PPP1R14C: variants seen among roughly 807,000 people sequenced by gnomAD.
The protein encoded by PPP1R14C is protein phosphatase 1 regulatory inhibitor subunit 14C.
In PPP1R14C, 16 loss-of-function variants were observed where a neutral mutation model predicts 20.4. The ratio of observed to expected loss-of-function variants is 0.78; its 90% confidence interval spans 0.53 to 1.19. PPP1R14C has a LOEUF of 1.19. Among genes scored for constraint, PPP1R14C ranks in the 50% most tolerant of loss-of-function variants. The pLI is 0.00. For missense variants in PPP1R14C, 211 were observed against 220.1 expected (o/e 0.96, Z 0.26); for synonymous variants, 91 against 91.0 (o/e 1.00, Z 0.00).
At position 150,201,772 on chromosome 6, in the gene PPP1R14C, T is replaced by C. The variant is rs1777880293; in HGVS notation, c.307-12972T>C. ...AGCTTATGCAAAAGATGATTTAGCT[T>C]TCACTAGGGGGGCAGTGGAGGTGGT... On this transcript the variant is annotated intron_variant, in intron 1 of 3. Transcript: ENST00000361131. The surrounding 1 kb of genome is among the most constrained non-coding windows in gnomAD (Gnocchi z 4.2). 6.6e-6 allele frequency among the ~76,000 whole-genome samples: 1 copy of C among 152,098 alleles called. No individual in the cohort carries two copies. The highest frequency in any genetic ancestry group is 1.5e-5 in the Non-Finnish European group (1 of 68,028).
intron 1 of PPP1R14C, among the ~76,000 whole-genome samples, chr6:150,206,646 C>T (rs1435089337): frequency 6.6e-6 from 1 of 152,162 alleles, no homozygotes; most frequent in Non-Finnish European, 1.5e-5. Context: ...AGGATGGTCC[C>T]TGCCGGGAGC....
chr6:150,150,518 C>T (rs1777233154), intron 1 of PPP1R14C, among the ~76,000 whole-genome samples: 2 of 152,152 alleles, frequency 1.3e-5, no homozygotes, highest in South Asian at 2.1e-4. Context: ...CCCTGGTCTC[C>T]CTCGCCTAGC....
chr6:150,195,374 G>A, intron 1 of PPP1R14C: 1 of 168,904 alleles, frequency 5.9e-6, no homozygotes, highest in Non-Finnish European at 1.2e-5. Context: ...TTTTGAGATA[G>A]AGTGTCGCTA....
rs1344576209 is a variant in PPP1R14C at position 150,250,143 on chromosome 6, C to T, written c.*1323C>T. On this transcript the variant is annotated 3_prime_UTR_variant, in exon 4 of 4. Coordinates refer to ENST00000361131, the MANE Select transcript of PPP1R14C (RefSeq NM_030949.3). ...GGCCCCCGCTGACTCCCACAGAAAC[C>T]CACCTACCATAAGATGTCTTCAGGT... 1 of 152,576 alleles carries T rather than the reference C, an allele frequency of 6.6e-6. No individual in the cohort carries two copies. The highest frequency in any genetic ancestry group is 1.5e-5 in the Non-Finnish European group (1 of 68,044). 9.5% of individuals were successfully genotyped at this position (152,576 alleles called of 1,614,324 possible). A position where few individuals can be genotyped will look rare whatever the true frequency, so the allele number is the denominator to read the frequency against.
At chr6:150,197,566 G>A (rs1034542935) in intron 1 of PPP1R14C, among the ~76,000 whole-genome samples, 16 of 152,264 alleles carry the variant, frequency 1.1e-4, no homozygotes, top group African/African-American at 3.1e-4. Flanking sequence ...CCAGGCTGCC[G>A]TGGGAAGGCT....
At chr6:150,165,276 G>T (rs1777411044) in intron 1 of PPP1R14C, among the ~76,000 whole-genome samples, 1 of 152,236 alleles carries the variant, frequency 6.6e-6, no homozygotes, top group South Asian at 2.1e-4. Context: ...ATATCAGCTG[G>T]TTGGTGGACA....
At chr6:150,214,677 A>G in intron 1 of PPP1R14C, 67 bp from the exon 2 acceptor site, 2 of 1,155,028 alleles carry the variant, frequency 1.7e-6, no homozygotes, top group Non-Finnish European at 2.6e-6. Context: ...AACTTAACCT[A>G]ACTGGTGGGG....
intron 3 of PPP1R14C, among the ~76,000 whole-genome samples, chr6:150,235,931 A>G (rs1161168521): frequency 6.6e-6 from 1 of 152,122 alleles, no homozygotes; most frequent in African/African-American, 2.4e-5. Flanking sequence ...ATACTGGAAA[A>G]TGAAAGGATT....
intron 3 of PPP1R14C, among the ~76,000 whole-genome samples, chr6:150,238,627 T>C (rs1161618655): frequency 1.3e-5 from 2 of 152,270 alleles, no homozygotes; most frequent in African/African-American, 4.8e-5. Flanking sequence ...GCAGGGCCTG[T>C]GTTTCTGTGT....
intron 1 of PPP1R14C, among the ~76,000 whole-genome samples, chr6:150,190,803 C>T (rs895447567): frequency 6.6e-6 from 1 of 152,200 alleles, no homozygotes; most frequent in South Asian, 2.1e-4. Flanking sequence ...CTGTCCTTCT[C>T]TACCTTGGTC....
intron 3 of PPP1R14C, among the ~76,000 whole-genome samples, chr6:150,234,737 T>A (rs1778336254): frequency 1.3e-5 from 2 of 150,996 alleles, no homozygotes; most frequent in Non-Finnish European, 2.9e-5. Context: ...TAGTCCCAGC[T>A]ACTCAGGAGG....
In PPP1R14C at chr6:150,199,952, C is replaced by T. The variant is rs534188507; in HGVS notation, c.307-14792C>T. Among the ~76,000 whole-genome samples the T allele has an allele frequency of 4.5e-4, 68 of 152,092 alleles. 3 individuals carry two copies. In the South Asian group the frequency reaches 4.8e-3, roughly 11 times the overall value. On this transcript the variant is annotated intron_variant, in intron 1 of 3. Transcript: ENST00000361131. ...CAGTGCAGATGGACTAAGTCAGATA[C>T]GCTCTGGAAATGGATTTTCCAAGTG... is the stretch of plus-strand genomic sequence containing the variant.
intron 3 of PPP1R14C, among the ~76,000 whole-genome samples, chr6:150,241,212 A>T (rs1448213954): frequency 6.6e-6 from 1 of 152,016 alleles, no homozygotes; most frequent in Admixed American, 6.6e-5. Context: ...TCCCTGAAGA[A>T]CTGTGGGGTT....
Position 150,222,762 on chromosome 6 carries a change from T to C in PPP1R14C, c.423+5906T>C, listed in dbSNP as rs577545424. 5.5e-5 allele frequency among the ~76,000 whole-genome samples: 7 copies of C among 126,184 alleles called. No individual in the cohort carries two copies. The East Asian group carries it at 1.4e-3, about 25-fold the overall frequency. 82.8% of individuals were successfully genotyped at this position (126,184 alleles called of 152,430 possible). A position where few individuals can be genotyped will look rare whatever the true frequency, so the allele number is the denominator to read the frequency against. ...ATGAACATTTGAAGCCTTTTCAAAC[T>C]GGCTTTTTTTTTTTTTTTTTTTTTT... On this transcript the variant is annotated intron_variant, in intron 3 of 3. Transcript: ENST00000361131.
chr6:150,166,271 G>A lies in PPP1R14C; in HGVS notation c.306+22773G>A, dbSNP rs188089199. ...AATTTTTTGTATTTTTAGTAGAGAT[G>A]GGGTTTCACCATGTTAGCCAGGATG... is the stretch of plus-strand genomic sequence containing the variant. On this transcript the variant is annotated intron_variant, in intron 1 of 3. Coordinates refer to ENST00000361131, the MANE Select transcript of PPP1R14C (RefSeq NM_030949.3). Among the ~76,000 whole-genome samples the A allele has an allele frequency of 6.8e-3, 1,035 of 152,092 alleles. 4 individuals are homozygous for A. Among genetic ancestry groups the A allele is most frequent in the Non-Finnish European group, 8.9e-3 (607 of 67,986 alleles).
At chr6:150,173,684 C>T (rs958233552) in intron 1 of PPP1R14C, among the ~76,000 whole-genome samples, 23 of 152,104 alleles carry the variant, frequency 1.5e-4, no homozygotes, top group African/African-American at 4.8e-4. Context: ...GTTTTCCTAA[C>T]GTGCTTTATC....
chr6:150,191,390 A>G (rs1447760834), intron 1 of PPP1R14C, among the ~76,000 whole-genome samples: 1 of 152,216 alleles, frequency 6.6e-6, no homozygotes, highest in Non-Finnish European at 1.5e-5. Flanking sequence ...CATATAGCAG[A>G]CATTCAATAA....
chr6:150,172,759 G>A (rs894001116), intron 1 of PPP1R14C, among the ~76,000 whole-genome samples: 6 of 152,064 alleles, frequency 3.9e-5, no homozygotes, highest in Non-Finnish European at 2.9e-5. Context: ...CTGATGTGGG[G>A]AGACCGACTG....
At position 150,202,209 on chromosome 6, in the gene PPP1R14C, C is replaced by T. The variant is rs1017180791; in HGVS notation, c.307-12535C>T. 5.3e-5 allele frequency among the ~76,000 whole-genome samples: 8 copies of T among 152,134 alleles called. No individual in the cohort carries two copies. In the East Asian group the frequency reaches 1.4e-3, roughly 26 times the overall value. ...AGTTTCTCATCCTCATGCAGAACAT[C>T]CCTGGTGGGTGCCCACCCCACAACA... On this transcript the variant is annotated intron_variant, in intron 1 of 3. Transcript: ENST00000361131.
Sources: allele counts gnomAD v4.1 joint callset (sites outside exome capture counted in the v4.1 genomes callset), GRCh38; gene constraint gnomAD v4.1.1; non-coding constraint Gnocchi (gnomAD v3.1); transcripts MANE v1.5; gene names NCBI Gene and HGNC (gene_info 2026-07-23, HGNC 2026-07-21).